LGR6: variants seen among roughly 807,000 people sequenced by gnomAD.
The protein encoded by LGR6 is leucine-rich repeat-containing G protein-coupled receptor 6.
LGR6 carries 45 observed loss-of-function variants against 69.4 expected under a neutral mutation model. The observed-to-expected ratio is 0.65, with a 90% confidence interval of 0.51 to 0.83. LGR6 has a LOEUF of 0.83. Among genes scored for constraint, LGR6 ranks in the 40% least tolerant of loss-of-function variants. The probability of loss-of-function intolerance (pLI) is 0.00; values close to 1 mark genes in which losing one functional copy is unlikely to be tolerated. For missense variants in LGR6, 1,108 were observed against 1,246.7 expected (o/e 0.89, Z 1.68); for synonymous variants, 538 against 555.0 (o/e 0.97, Z 0.43).
intron 1 of LGR6, among the ~76,000 whole-genome samples, chr1:202,223,114 T>A (rs183406477): frequency 1.3e-5 from 2 of 151,850 alleles, no homozygotes; most frequent in East Asian, 3.9e-4. Flanking sequence ...AAAAAATCCA[T>A]CAACAAACTC....
At position 202,194,705 on chromosome 1, in the gene LGR6, C is replaced by T. The variant is rs2361432; in HGVS notation, c.212+504C>T. On this transcript the variant is annotated intron_variant, in intron 1 of 17. Coordinates refer to ENST00000367278, the MANE Select transcript of LGR6 (RefSeq NM_001017403.2). ...TGAGGCTGGGTGGCCTTCGTGGGGG[C>T]GGGGGGGGCGGGTTTCCTAGAAGCT... The T allele has an allele frequency of 4.7e-3, 939 of 200,666 alleles. 14 individuals carry two copies. The highest frequency in any genetic ancestry group is 0.042 in the African/African-American group (882 of 20,986). The allele number at this position is 200,666 out of a possible 1,614,324, so 12.4% of individuals were successfully genotyped here.
At chr1:202,224,599 G>A (rs1423001776) in intron 1 of LGR6, among the ~76,000 whole-genome samples, 1 of 152,222 alleles carries the variant, frequency 6.6e-6, no homozygotes, top group Middle Eastern at 3.2e-3. Context: ...TTCCACCTCA[G>A]ATCATCAGGC....
chr1:202,193,985 C>T lies in LGR6; in HGVS notation c.-5C>T, dbSNP rs1015545086. 9 of 1,367,772 alleles carry T rather than the reference C, an allele frequency of 6.6e-6. No individual in the cohort carries two copies. Among genetic ancestry groups the T allele is most frequent in the Non-Finnish European group, 6.6e-6 (7 of 1,061,884 alleles). 84.7% of individuals were successfully genotyped at this position (1,367,772 alleles called of 1,614,324 possible). ...GCCAGGTGCCCCAGTAGCCCGACCG[C>T]CGAGATGCCCAGCCCGCCGGGGCTC... On this transcript the variant is annotated 5_prime_UTR_variant, in exon 1 of 18. Transcript: ENST00000367278.
chr1:202,309,520 C>A (rs1653543927), intron 15 of LGR6, among the ~76,000 whole-genome samples: 1 of 152,268 alleles, frequency 6.6e-6, no homozygotes, highest in Non-Finnish European at 1.5e-5. Flanking sequence ...ACTTGGGCAG[C>A]ATCTGAGCCC....
chr1:202,295,624 CCT>C (rs1376747846), intron 6 of LGR6, among the ~76,000 whole-genome samples: 1 of 152,190 alleles, frequency 6.6e-6, no homozygotes, highest in African/African-American at 2.4e-5. Context: ...AAAATTCCTC[CCT>C]GTTTCCAACT....
At chr1:202,214,821 GT>G (rs1659654230) in intron 1 of LGR6, among the ~76,000 whole-genome samples, 1 of 152,174 alleles carries the variant, frequency 6.6e-6, no homozygotes, top group South Asian at 2.1e-4. Context: ...AAATGGGTCA[GT>G]GAAATCTTTA....
chr1:202,225,870 G>C (rs1660510699), intron 2 of LGR6, among the ~76,000 whole-genome samples: 1 of 152,050 alleles, frequency 6.6e-6, no homozygotes, highest in Non-Finnish European at 1.5e-5. Context: ...CGCTTCTCTA[G>C]TCCCACTGCT....
At chr1:202,250,458 T>C (rs1663132822) in intron 4 of LGR6, among the ~76,000 whole-genome samples, 1 of 152,024 alleles carries the variant, frequency 6.6e-6, no homozygotes. Context: ...GAGGCTGGAG[T>C]GCAGTGGTGC....
chr1:202,224,722 G>C (rs3010068), intron 1 of LGR6, among the ~76,000 whole-genome samples: 60,190 of 152,120 alleles, frequency 0.4, 12,825 homozygotes, highest in East Asian at 0.71. Flanking sequence ...TCTGACAGGA[G>C]GTGGAGCTCA....
chr1:202,305,971 T>A (rs971244847), intron 12 of LGR6, among the ~76,000 whole-genome samples: 4 of 152,144 alleles, frequency 2.6e-5, no homozygotes, highest in Non-Finnish European at 5.9e-5. Context: ...CAGGAGCTGG[T>A]GCCCAAAAGG....
At chr1:202,263,340 T>C (rs1164449459) in intron 4 of LGR6, among the ~76,000 whole-genome samples, 3 of 152,088 alleles carry the variant, frequency 2.0e-5, no homozygotes, top group African/African-American at 7.2e-5. Context: ...GCCAGGCTGG[T>C]CTCGAACTCC....
At chr1:202,280,692 A>G (rs2148181068) in intron 5 of LGR6, 89 bp from the exon 6 acceptor site, 1 of 1,157,008 alleles carries the variant, frequency 8.6e-7, no homozygotes, top group Non-Finnish European at 1.3e-6. Flanking sequence ...GCTTCTGCCT[A>G]CACTTTCCCC....
chr1:202,197,047 G>A (rs766547262), intron 1 of LGR6: 9 of 533,328 alleles, frequency 1.7e-5, no homozygotes, highest in South Asian at 4.2e-5. Context: ...GAGAAGACTC[G>A]AAGATCCTTA....
chr1:202,218,600 T>C (rs556315714), intron 1 of LGR6, among the ~76,000 whole-genome samples: 2 of 152,200 alleles, frequency 1.3e-5, no homozygotes, highest in African/African-American at 4.8e-5. Context: ...CTGCAGCGAG[T>C]GGGACAGTCC....
At chr1:202,206,323 T>C (rs1052096010) in intron 1 of LGR6, among the ~76,000 whole-genome samples, 6 of 152,182 alleles carry the variant, frequency 3.9e-5, no homozygotes, top group African/African-American at 1.4e-4. Flanking sequence ...CTCACTTACC[T>C]GGGGCCGATG....
intron 3 of LGR6, among the ~76,000 whole-genome samples, chr1:202,228,665 C>T (rs960678670): frequency 5.9e-5 from 9 of 152,162 alleles, no homozygotes; most frequent in African/African-American, 1.9e-4. Flanking sequence ...CATGACTCAC[C>T]TTGTTCCAAC....
rs1304521268 is a variant in LGR6 at position 202,303,305 on chromosome 1, A to G, written c.956A>G (p.Gln319Arg). Residue 319 changes from glutamine (Q) to arginine (R), a missense_variant, in exon 10 of 18, where the codon CAG (glutamine) becomes CGG (arginine). Transcript: ENST00000367278. ...TLSLNGAMDI[Q>R]EFPDLKGTTS... ...TCTCTGAATGGTGCCATGGACATCC[A>G]GGAGTTTCCAGATCTCAAAGGCACC... The G allele has an allele frequency of 6.2e-7, 1 of 1,613,896 alleles. No homozygotes were observed. The highest frequency in any genetic ancestry group is 8.5e-7 in the Non-Finnish European group (1 of 1,179,890).
At chr1:202,226,276 G>A (rs1421847041) in intron 2 of LGR6, among the ~76,000 whole-genome samples, 1 of 152,102 alleles carries the variant, frequency 6.6e-6, no homozygotes, top group Admixed American at 6.6e-5. Flanking sequence ...TCCCAGCCCT[G>A]TTTTTTCTAA....
chr1:202,208,801 G>A (rs1173477487), intron 1 of LGR6, among the ~76,000 whole-genome samples: 1 of 152,134 alleles, frequency 6.6e-6, no homozygotes, highest in African/African-American at 2.4e-5. Context: ...CATGTTGCGG[G>A]GCCCAGGGCA....
Sources: gnomAD v4.1 joint callset for allele counts (sites outside exome capture counted in the v4.1 genomes callset) on GRCh38, gnomAD v4.1.1 for gene constraint, MANE v1.5 for transcripts, NCBI Gene and HGNC (gene_info 2026-07-23, HGNC 2026-07-21) for gene names.